DDX19B: variants seen among roughly 807,000 people sequenced by gnomAD.
DDX19B encodes DEAD-box helicase 19B, also known as ATP-dependent RNA helicase DDX19B.
Under a neutral mutation model 58.1 loss-of-function variants are expected in DDX19B, and 27 were observed. The observed-to-expected ratio is 0.46, with a 90% confidence interval of 0.34 to 0.64. DDX19B has a LOEUF of 0.64. Among genes scored for constraint, DDX19B ranks in the 30% least tolerant of loss-of-function variants. The pLI is 0.01. For synonymous variants in DDX19B, 187 were observed against 214.4 expected (o/e 0.87, Z 1.12); for missense variants, 399 against 596.5 (o/e 0.67, Z 3.45).
upstream of DDX19B, among the ~76,000 whole-genome samples, chr16:70,296,552 G>C (rs1472263518): frequency 6.6e-6 from 1 of 151,972 alleles, no homozygotes; most frequent in African/African-American, 2.4e-5. Flanking sequence ...CTGCAACTTG[G>C]GCGATGTAAT....
chr16:70,318,288 C>T (rs1424645497), intron 5 of DDX19B, among the ~76,000 whole-genome samples: 6 of 150,752 alleles, frequency 4.0e-5, no homozygotes, highest in East Asian at 2.0e-4. Flanking sequence ...GCACGAGAAT[C>T]GCTTGAACCC....
upstream of DDX19B, chr16:70,299,165 G>A (rs1961342237): frequency 7.3e-6 from 10 of 1,378,350 alleles, 1 homozygote; most frequent in South Asian, 1.5e-4. Flanking sequence ...CGACGTCACT[G>A]TGGCGCGCCG....
chr16:70,329,580 C>G, intron 8 of DDX19B, 111 bp downstream of exon 8: 1 of 1,492,356 alleles, frequency 6.7e-7, no homozygotes, highest in Non-Finnish European at 9.1e-7. Flanking sequence ...CTCGTACTCT[C>G]AGCAGCATTT....
In DDX19B at chr16:70,314,956, G is replaced by A. The variant is rs771451295; in HGVS notation, c.160+1G>A. ...GAGAAGACAGATGAAGAAGAGAAAG[G>A]TAACACAGCCGTGGAGCTTTATATA... On this transcript the variant is annotated splice_donor_variant, in intron 3 of 11. Coordinates refer to ENST00000288071, the MANE Select transcript of DDX19B (RefSeq NM_007242.7). LOFTEE classifies it high-confidence loss of function. The A allele has an allele frequency of 3.1e-6, 5 of 1,608,204 alleles. No individual in the cohort carries two copies. Among genetic ancestry groups the A allele is most frequent in the Non-Finnish European group, 3.4e-6 (4 of 1,176,234 alleles).
chr16:70,312,700 T>G, intron 2 of DDX19B, 43 bp downstream of exon 2: 8 of 1,561,050 alleles, frequency 5.1e-6, no homozygotes, highest in Non-Finnish European at 7.0e-6. Context: ...GTGATTTCCT[T>G]CAGTATTTTT....
chr16:70,317,329 C>T (rs549511025), intron 4 of DDX19B, 167 bp from the exon 5 acceptor site: 21 of 458,976 alleles, frequency 4.6e-5, no homozygotes, highest in Admixed American at 2.7e-4. Context: ...TGCAGTGAGC[C>T]GAGACTGCAC....
upstream of DDX19B, chr16:70,299,000 TG>T: frequency 2.0e-6 from 1 of 507,506 alleles, no homozygotes; most frequent in Non-Finnish European, 3.0e-6. Context: ...GTTCTTTGGT[TG>T]GAGATCCAAG....
intron 1 of DDX19B, among the ~76,000 whole-genome samples, chr16:70,305,789 C>G (rs1235965712): frequency 6.6e-6 from 1 of 151,858 alleles, no homozygotes; most frequent in East Asian, 1.9e-4. Context: ...GAGACAGAGT[C>G]TCACTCTGTC....
intron 9 of DDX19B, among the ~76,000 whole-genome samples, chr16:70,330,755 T>A (rs991465478): frequency 4.0e-5 from 6 of 151,038 alleles, no homozygotes; most frequent in Non-Finnish European, 1.5e-5. Context: ...ATTAAAAATA[T>A]ATATATGGCT....
chr16:70,312,184 A>G (rs1962128836), intron 1 of DDX19B, among the ~76,000 whole-genome samples: 1 of 152,118 alleles, frequency 6.6e-6, no homozygotes, highest in Non-Finnish European at 1.5e-5. Context: ...AGTGTTCTCC[A>G]AAGTATGACT....
chr16:70,308,851 A>G (rs758881661), intron 1 of DDX19B, among the ~76,000 whole-genome samples: 4 of 150,902 alleles, frequency 2.7e-5, no homozygotes, highest in Non-Finnish European at 5.9e-5. Flanking sequence ...CATGTGCAGG[A>G]TGTGCATGTT....
At chr16:70,305,822 G>A (rs1456107804) in intron 1 of DDX19B, among the ~76,000 whole-genome samples, 5 of 151,006 alleles carry the variant, frequency 3.3e-5, no homozygotes, top group African/African-American at 4.9e-5. Flanking sequence ...GTGCAGTGGC[G>A]CAATCTCGGC....
upstream of DDX19B, among the ~76,000 whole-genome samples, chr16:70,290,271 C>T: frequency 6.6e-6 from 1 of 152,008 alleles, no homozygotes; most frequent in Admixed American, 6.6e-5. Flanking sequence ...GGCGCGGTGG[C>T]CCACACCTGT....
chr16:70,320,714 C>G (rs1452583278), intron 5 of DDX19B, among the ~76,000 whole-genome samples: 6 of 151,058 alleles, frequency 4.0e-5, no homozygotes, highest in Non-Finnish European at 8.8e-5. Flanking sequence ...CCACCATGCC[C>G]AGCTAATTTT....
upstream of DDX19B, among the ~76,000 whole-genome samples, chr16:70,296,940 G>C (rs996109753): frequency 6.6e-6 from 1 of 152,114 alleles, no homozygotes; most frequent in Non-Finnish European, 1.5e-5. Flanking sequence ...ATTTGAGACA[G>C]AGTCTTGCTC....
At chr16:70,302,946 A>G (rs145003413) in intron 1 of DDX19B, among the ~76,000 whole-genome samples, 2 of 152,210 alleles carry the variant, frequency 1.3e-5, no homozygotes, top group African/African-American at 2.4e-5. Flanking sequence ...CTGGTGTCTC[A>G]TTGTGGTTTT....
At chr16:70,332,075 T>C (rs1394853129) in intron 10 of DDX19B, among the ~76,000 whole-genome samples, 191 bp downstream of exon 10, 1 of 151,970 alleles carries the variant, frequency 6.6e-6, no homozygotes, top group Non-Finnish European at 1.5e-5. Flanking sequence ...AAGCCAGGAG[T>C]CCTGACTTGG....
chr16:70,327,700 ATTTG>A (rs1397310548), intron 7 of DDX19B, among the ~76,000 whole-genome samples: 4 of 152,084 alleles, frequency 2.6e-5, no homozygotes, highest in African/African-American at 9.7e-5. Flanking sequence ...CCAGGACTGA[ATTTG>A]TTTAATTGCC....
intron 1 of DDX19B, among the ~76,000 whole-genome samples, chr16:70,311,452 T>C (rs946430140): frequency 5.3e-5 from 8 of 152,028 alleles, no homozygotes; most frequent in African/African-American, 1.9e-4. Flanking sequence ...AGGCCAAAAA[T>C]AGAAATATGC....
Sources: allele counts gnomAD v4.1 joint callset (sites outside exome capture counted in the v4.1 genomes callset), GRCh38; gene constraint gnomAD v4.1.1; transcripts MANE v1.5; gene names NCBI Gene and HGNC (gene_info 2026-07-23, HGNC 2026-07-21).